The following TFPI variants were observed in gnomAD, a reference collection of about 807,000 sequenced individuals.
TFPI encodes anti-convertin.
In TFPI, 15 loss-of-function variants were observed where a neutral mutation model predicts 34.6. The ratio of observed to expected loss-of-function variants is 0.43; its 90% CI spans 0.29 to 0.67. TFPI has a LOEUF of 0.67. TFPI is among the 30% of genes least tolerant of loss of function. TFPI has a pLI of 0.15. For missense variants in TFPI, 301 were observed against 364.0 expected, an observed-to-expected ratio of 0.83 and a Z score of 1.41; for synonymous variants, 105 against 120.1, an observed-to-expected ratio of 0.87 and a Z score of 0.82.
chr2:187,513,723 C>T (rs1006011636), intron 1 of TFPI: 7 of 152,722 alleles, frequency 4.6e-5, no homozygotes, highest in Admixed American at 2.0e-4. Flanking sequence ...AGGCCATAGT[C>T]CCAGGGGAAA....
chr2:187,506,880 C>A (rs997523957), intron 1 of TFPI, among the ~76,000 whole-genome samples: 2 of 152,026 alleles, frequency 1.3e-5, no homozygotes, highest in African/African-American at 4.8e-5. Flanking sequence ...TATGAAGTTA[C>A]TTTCTACCCC....
chr2:187,484,327 A>G, intron 5 of TFPI, 111 bp from the exon 6 acceptor site: 1 of 773,926 alleles, frequency 1.3e-6, no homozygotes, highest in Non-Finnish European at 2.1e-6. Flanking sequence ...TTTCATTCAC[A>G]TTGCTATGTT....
At chr2:187,538,761 G>C (rs1688405386) in intron 1 of TFPI, among the ~76,000 whole-genome samples, 1 of 151,976 alleles carries the variant, frequency 6.6e-6, no homozygotes, top group African/African-American at 2.4e-5. Flanking sequence ...TTTCCAAACT[G>C]ACTTGCATAA....
At chr2:187,510,758 C>A (rs1169788817) in intron 1 of TFPI, among the ~76,000 whole-genome samples, 4 of 152,168 alleles carry the variant, frequency 2.6e-5, no homozygotes, top group African/African-American at 9.7e-5. Flanking sequence ...CACGTACCCC[C>A]TGCTTGCTCA....
rs113053158 is a variant in TFPI, at chr2:187,484,810, C to G, written c.535+1G>C. 2.5e-6 allele frequency: 4 copies of G among 1,581,468 alleles called. No individual in the cohort carries two copies. In the African/African-American group the frequency reaches 4.1e-5, roughly 16 times the overall value. The stretch of plus-strand genomic sequence containing the variant: ...TAAAATGAAATAAGAAATAAACTTA[C>G]GACCATCTTCACAAATGTTCTTGCA... On this transcript the variant is annotated splice_donor_variant, in intron 5 of 7. Coordinates refer to ENST00000233156, the MANE Select transcript of TFPI (RefSeq NM_006287.6). LOFTEE classifies it high-confidence loss of function.
At position 187,493,768 on chromosome 2, in the gene TFPI, A is replaced by G. The variant is rs376662465; in HGVS notation, c.319+3113T>C. Among the ~76,000 whole-genome samples, 4 of 152,142 alleles carry G rather than the reference A, an allele frequency of 2.6e-5. No individual in the cohort carries two copies. In the East Asian group the frequency reaches 7.7e-4, roughly 29 times the overall value. On this transcript the variant is annotated intron_variant, in intron 3 of 7. Coordinates refer to ENST00000233156, the MANE Select transcript of TFPI (RefSeq NM_006287.6). ...AAATGCTGCCAGTCTCTTTGCTAAA[A>G]CATAATGAGAGTCAGCTTTGCTCAA...
chr2:187,506,915 T>C (rs201054089), intron 1 of TFPI, among the ~76,000 whole-genome samples: 2 of 152,198 alleles, frequency 1.3e-5, no homozygotes, highest in East Asian at 3.8e-4. Context: ...GTTTATTTAT[T>C]TATTTTTTTA....
chr2:187,486,260 A>C (rs1693253344), intron 4 of TFPI, among the ~76,000 whole-genome samples: 1 of 151,632 alleles, frequency 6.6e-6, no homozygotes, highest in African/African-American at 2.4e-5. Flanking sequence ...ACATTTTATA[A>C]GGTAAAAATA....
intron 1 of TFPI, among the ~76,000 whole-genome samples, chr2:187,545,801 G>C (rs1371521487): frequency 6.6e-6 from 1 of 152,034 alleles, no homozygotes; most frequent in Non-Finnish European, 1.5e-5. Context: ...GTAATGTTTT[G>C]AGCCAAAGTT....
chr2:187,534,049 C>T (rs1365961547), intron 1 of TFPI, among the ~76,000 whole-genome samples: 2 of 151,996 alleles, frequency 1.3e-5, no homozygotes, highest in African/African-American at 4.8e-5. Flanking sequence ...AAGAAAGCCT[C>T]CAAGAAATAT....
intron 1 of TFPI, 135 bp from the exon 2 acceptor site, chr2:187,503,905 G>A: frequency 2.3e-6 from 2 of 874,894 alleles, no homozygotes; most frequent in East Asian, 2.7e-5. Context: ...ACATTTCTCT[G>A]TGCATACTCA....
rs199557966 is a variant in TFPI, at chr2:187,465,492, G to GAAAAAAAAAAAAAAAAAAAAAAAAA, written c.*1443_*1444insTTTTTTTTTTTTTTTTTTTTTTTTT. ...AAAACATAACAAAACAAAACAAAAT[G>GAAAAAAAAAAAAAAAAAAAAAAAAA]AAAAAAAAAAAAAAACAAGAAAAAA... On this transcript the variant is annotated 3_prime_UTR_variant, in exon 8 of 8. Transcript: ENST00000233156. 3 of 67,778 alleles carry GAAAAAAAAAAAAAAAAAAAAAAAAA rather than the reference G, an allele frequency of 4.4e-5. No homozygotes were observed. Among genetic ancestry groups the GAAAAAAAAAAAAAAAAAAAAAAAAA allele is most frequent in the Non-Finnish European group, 2.8e-5 (1 of 35,770 alleles). 4.2% of individuals were successfully genotyped at this position (67,778 alleles called of 1,614,324 possible).
chr2:187,551,060 A>G (rs1363023019), intron 1 of TFPI, among the ~76,000 whole-genome samples: 1 of 152,130 alleles, frequency 6.6e-6, no homozygotes, highest in Non-Finnish European at 1.5e-5. Flanking sequence ...CTTGGTAATA[A>G]AAACTGTTTA....
chr2:187,479,113 A>G (rs547479084), intron 6 of TFPI, among the ~76,000 whole-genome samples: 1 of 152,250 alleles, frequency 6.6e-6, no homozygotes, highest in Non-Finnish European at 1.5e-5. Flanking sequence ...AACATAAAAC[A>G]TCCTTTAGAA....
chr2:187,534,150 A>T (rs969833071), intron 1 of TFPI, among the ~76,000 whole-genome samples: 2 of 152,238 alleles, frequency 1.3e-5, no homozygotes, highest in Non-Finnish European at 2.9e-5. Context: ...ACTCTTCAGG[A>T]TATTATCCAG....
At chr2:187,543,076 G>C (rs1688668896) in intron 1 of TFPI, among the ~76,000 whole-genome samples, 1 of 152,082 alleles carries the variant, frequency 6.6e-6, no homozygotes, top group African/African-American at 2.4e-5. Flanking sequence ...TATATAAATG[G>C]TTTAAATGGT....
At chr2:187,492,180 G>A (rs1421368711) in intron 3 of TFPI, among the ~76,000 whole-genome samples, 2 of 152,066 alleles carry the variant, frequency 1.3e-5, no homozygotes, top group African/African-American at 4.8e-5. Context: ...TGGCTGTGCA[G>A]AACATTTTTA....
At chr2:187,499,486 T>C (rs1354124777) in intron 2 of TFPI, 1 of 152,006 alleles carries the variant, frequency 6.6e-6, no homozygotes, top group East Asian at 1.9e-4. Context: ...GCTGTTTATA[T>C]CTTTTTGTCT....
At chr2:187,538,844 A>G (rs1243169449) in intron 1 of TFPI, among the ~76,000 whole-genome samples, 1 of 152,182 alleles carries the variant, frequency 6.6e-6, no homozygotes, top group Non-Finnish European at 1.5e-5. Flanking sequence ...TTTTTGGGCA[A>G]TATCTATTTT....
Sources: allele counts gnomAD v4.1 joint callset (sites outside exome capture counted in the v4.1 genomes callset), GRCh38; gene constraint gnomAD v4.1.1; transcripts MANE v1.5; gene names NCBI Gene and HGNC (gene_info 2026-07-23, HGNC 2026-07-21).